The following FHIP1A variants were observed in gnomAD, a reference collection of about 807,000 sequenced individuals.
FHIP1A encodes the protein FHF complex subunit HOOK interacting protein 1A.
FHIP1A carries 61 observed loss-of-function variants against 88.6 expected under a neutral mutation model. The observed-to-expected ratio is 0.69, with a 90% CI of 0.56 to 0.85. FHIP1A has a LOEUF of 0.85. Ranked by LOEUF, FHIP1A falls within the 40% of genes least tolerant of loss-of-function variation. FHIP1A has a pLI of 0.00. For synonymous variants in FHIP1A, 478 were observed against 496.0 expected (o/e 0.96, Z 0.48); for missense variants, 1,154 against 1,273.5 (o/e 0.91, Z 1.43).
At chr4:151,504,819 C>T (rs1212973368) in intron 3 of FHIP1A, among the ~76,000 whole-genome samples, 5 of 152,000 alleles carry the variant, frequency 3.3e-5, no homozygotes, top group South Asian at 2.1e-4. Context: ...GGTTTCACCA[C>T]GTTGGCCAGG....
chr4:151,577,883 T>C lies in FHIP1A; in HGVS notation c.539T>C (p.Leu180Ser). Residue 180 changes from leucine to serine, a missense_variant, in exon 5 of 14, where the codon TTA becomes TCA. Coordinates refer to ENST00000435205, the MANE Select transcript of FHIP1A (RefSeq NM_001109977.3). ...ATTCTTGCCAAAGATCCATCCATTT[T>C]AGAACTCTTCTTCCACACTAGTGAA... ...CSILAKDPSI[L>S]ELFFHTSEDQ... The C allele has an allele frequency of 6.4e-7, 1 of 1,551,878 alleles. No individual in the cohort carries two copies. Among genetic ancestry groups the C allele is most frequent in the East Asian group, 2.4e-5 (1 of 40,916 alleles).
At chr4:151,589,115 G>A (rs956546629) in intron 7 of FHIP1A, among the ~76,000 whole-genome samples, 189 bp downstream of exon 7, 4 of 152,162 alleles carry the variant, frequency 2.6e-5, no homozygotes, top group African/African-American at 7.2e-5. Context: ...GTTCTATCTG[G>A]TGTCATAGAA....
chr4:151,480,492 G>A (rs1729854849), intron 2 of FHIP1A, among the ~76,000 whole-genome samples: 2 of 152,082 alleles, frequency 1.3e-5, no homozygotes, highest in African/African-American at 4.8e-5. Flanking sequence ...TAATTCTTAA[G>A]AGGAGGTAAA....
At chr4:151,540,353 G>A (rs573781293) in intron 3 of FHIP1A, among the ~76,000 whole-genome samples, 1 of 152,246 alleles carries the variant, frequency 6.6e-6, no homozygotes, top group South Asian at 2.1e-4. Flanking sequence ...ACAGAAAACA[G>A]TGCTTTCAAA....
At chr4:151,621,429 T>C (rs532113783) in intron 7 of FHIP1A, among the ~76,000 whole-genome samples, 112 of 152,230 alleles carry the variant, frequency 7.4e-4, no homozygotes, top group Non-Finnish European at 1.4e-3. Flanking sequence ...ATCTGTCTTT[T>C]ATCATCAGAG....
chr4:151,552,314 T>C (rs1732769596), intron 3 of FHIP1A, among the ~76,000 whole-genome samples: 1 of 152,172 alleles, frequency 6.6e-6, no homozygotes, highest in Admixed American at 6.5e-5. Context: ...GACCCAGCAA[T>C]CCCTTTACTG....
In FHIP1A at chr4:151,578,751, A is replaced by G. The variant is rs117739487; in HGVS notation, c.732+675A>G. On this transcript the variant is annotated intron_variant, in intron 5 of 13. Transcript: ENST00000435205. Reference sequence around the variant, plus strand: ...CCAGCAATTGCACTCCTTGATATTTACCTAAAGGTGTTGAAAACTTATGTC... The same window carrying G: ...CCAGCAATTGCACTCCTTGATATTTGCCTAAAGGTGTTGAAAACTTATGTC... Among the ~76,000 whole-genome samples the G allele has an allele frequency of 7.7e-4, 118 of 152,310 alleles. No individual in the cohort carries two copies. The East Asian group carries it at 0.021, about 27-fold the overall frequency.
intron 7 of FHIP1A, among the ~76,000 whole-genome samples, chr4:151,609,798 T>A (rs1735226296): frequency 6.6e-6 from 1 of 152,186 alleles, no homozygotes; most frequent in African/African-American, 2.4e-5. Flanking sequence ...TAATTGGCCG[T>A]AGGATCTATA....
rs1346544614 is a variant in FHIP1A, at chr4:151,664,385, T to C, written c.*1631T>C. Among the ~76,000 whole-genome samples, 2 of 152,216 alleles carry C rather than the reference T, an allele frequency of 1.3e-5. No individual in the cohort carries two copies. Among genetic ancestry groups the C allele is most frequent in the Non-Finnish European group, 2.9e-5 (2 of 68,034 alleles). On this transcript the variant is annotated 3_prime_UTR_variant, in exon 14 of 14. Transcript: ENST00000435205. ...GCTTTGTATTGAGTGAATGAGAAATTGAGAGCTGGCCTGTGAAATGACAAC... is the reference window on the plus strand; with the variant it reads ...GCTTTGTATTGAGTGAATGAGAAATCGAGAGCTGGCCTGTGAAATGACAAC...
chr4:151,547,288 G>A (rs1197394317), intron 3 of FHIP1A, among the ~76,000 whole-genome samples: 1 of 152,072 alleles, frequency 6.6e-6, no homozygotes, highest in Non-Finnish European at 1.5e-5. Flanking sequence ...CTCTATTTTA[G>A]TGTGTAAATG....
intron 3 of FHIP1A, among the ~76,000 whole-genome samples, chr4:151,491,581 A>G (rs1730283923): frequency 6.6e-6 from 1 of 151,144 alleles, no homozygotes; most frequent in Admixed American, 6.6e-5. Context: ...TAACACAATG[A>G]AAAAAAAACA....
chr4:151,467,788 A>G (rs1468903085), intron 2 of FHIP1A, among the ~76,000 whole-genome samples: 2 of 152,068 alleles, frequency 1.3e-5, no homozygotes, highest in Non-Finnish European at 2.9e-5. Context: ...ATGAGAACAC[A>G]TGGACACAGG....
At position 151,448,508 on chromosome 4, in the gene FHIP1A, T is replaced by C. The variant is rs1350465549; in HGVS notation, c.-355-6193T>C. Reference sequence around the variant, plus strand: ...CAGCTCCTGGCAACCACAATTCTACTTCTCCATGAATTAGACTACTCTAGG... The same window carrying C: ...CAGCTCCTGGCAACCACAATTCTACCTCTCCATGAATTAGACTACTCTAGG... On this transcript the variant is annotated intron_variant, in intron 1 of 13. Coordinates refer to ENST00000435205, the MANE Select transcript of FHIP1A (RefSeq NM_001109977.3). Among the ~76,000 whole-genome samples, 3 of 152,292 alleles carry C rather than the reference T, an allele frequency of 2.0e-5. No homozygotes were observed. The East Asian group carries it at 5.8e-4, about 29-fold the overall frequency.
chr4:151,489,478 G>A (rs559991181), intron 3 of FHIP1A, among the ~76,000 whole-genome samples: 2 of 152,116 alleles, frequency 1.3e-5, no homozygotes, highest in Non-Finnish European at 2.9e-5. Context: ...AACAGGAAGC[G>A]CGGATAGGAG....
intron 3 of FHIP1A, among the ~76,000 whole-genome samples, chr4:151,542,641 C>T (rs936657436): frequency 6.6e-5 from 10 of 152,190 alleles, no homozygotes; most frequent in African/African-American, 2.4e-4. Context: ...CTCCCAGTTG[C>T]CTCATGAACT....
intron 3 of FHIP1A, among the ~76,000 whole-genome samples, chr4:151,483,338 A>G (rs890040668): frequency 1.3e-5 from 2 of 152,020 alleles, no homozygotes; most frequent in Admixed American, 1.3e-4. Flanking sequence ...AATATTTCCC[A>G]AAGTGTTACT....
In FHIP1A at chr4:151,512,066, G is replaced by A. The variant is rs1731055357; in HGVS notation, c.-123+29418G>A. ...TAGGGGCAGACTGACACCTCACACGGCCGGGTACTCCTCTGAGACAAAACT... is the reference window on the plus strand; with the variant it reads ...TAGGGGCAGACTGACACCTCACACGACCGGGTACTCCTCTGAGACAAAACT... On this transcript the variant is annotated intron_variant, in intron 3 of 13. Coordinates refer to ENST00000435205, the MANE Select transcript of FHIP1A (RefSeq NM_001109977.3). Among the ~76,000 whole-genome samples the A allele has an allele frequency of 3.9e-5, 6 of 152,308 alleles. No homozygotes were observed. The South Asian group carries it at 1.2e-3, about 32-fold the overall frequency.
In FHIP1A at chr4:151,422,218, T is replaced by TAA. The variant is rs201428102; in HGVS notation, c.-356+12759_-356+12760dup. Among the ~76,000 whole-genome samples the TAA allele has an allele frequency of 3.0e-3, 382 of 127,314 alleles. 3 individuals carry two copies. The highest frequency in any genetic ancestry group is 5.0e-3 in the Non-Finnish European group (275 of 54,706). The allele number at this position is 127,314 out of a possible 152,430, so 83.5% of individuals were successfully genotyped here. On this transcript the variant is annotated intron_variant, in intron 1 of 13. Coordinates refer to ENST00000435205, the MANE Select transcript of FHIP1A (RefSeq NM_001109977.3). Reference sequence around the variant, plus strand: ...CCATTAACAAATATTTATGAGACATTAAAAAAATATATATATATATTAACT... The same window carrying TAA: ...CCATTAACAAATATTTATGAGACATTAAAAAAAAATATATATATATATTAACT...
rs1366322339 is a variant in FHIP1A, at chr4:151,664,837, G to A, written c.*2083G>A. The stretch of plus-strand genomic sequence containing the variant: ...TGATTTACACCTTTCTCCATTATCT[G>A]GTGGTGGTGTTGATTCTTCTTGAAT... On this transcript the variant is annotated 3_prime_UTR_variant, in exon 14 of 14. Coordinates refer to ENST00000435205, the MANE Select transcript of FHIP1A (RefSeq NM_001109977.3). Among the ~76,000 whole-genome samples, 1 of 152,094 alleles carries A rather than the reference G, an allele frequency of 6.6e-6. No homozygotes were observed. The highest frequency in any genetic ancestry group is 2.4e-5 in the African/African-American group (1 of 41,440).
Sources: gnomAD v4.1 joint callset for allele counts (sites outside exome capture counted in the v4.1 genomes callset) on GRCh38, gnomAD v4.1.1 for gene constraint, MANE v1.5 for transcripts, NCBI Gene and HGNC (gene_info 2026-07-23, HGNC 2026-07-21) for gene names.